NPLOC4: variants seen among roughly 807,000 people sequenced by gnomAD.
The protein encoded by NPLOC4 is NPL4 homolog, ubiquitin recognition factor, also known as nuclear protein localization protein 4 homolog.
NPLOC4 carries 18 observed loss-of-function variants against 80.6 expected under a neutral mutation model. That is an observed-to-expected ratio of 0.22 (90% CI 0.15 to 0.33). The LOEUF is 0.33. Ranked by LOEUF, NPLOC4 falls within the 10% of genes least tolerant of loss-of-function variation. The pLI is 1.00. For synonymous variants in NPLOC4, 313 were observed against 301.5 expected (o/e 1.04, Z -0.39); for missense variants, 540 against 786.1 (o/e 0.69, Z 3.74).
At position 81,580,539 on chromosome 17, in the gene NPLOC4, G is replaced by C. The variant is rs184779854; in HGVS notation, c.1281+8405C>G. ...CACCTCTACCCCAGCAGGCCACCCT[G>C]CTTATCACTCTCTGTGTGGGGAACA... On this transcript the variant is annotated intron_variant, in intron 12 of 16. Transcript: ENST00000331134. The surrounding 1 kb of genome is among the most constrained non-coding windows in gnomAD (Gnocchi z 4.4). Among the ~76,000 whole-genome samples the C allele has an allele frequency of 6.6e-6, 1 of 152,204 alleles. No homozygotes were observed. The highest frequency in any genetic ancestry group is 6.5e-5 in the Admixed American group (1 of 15,294).
rs924601410 is a variant in NPLOC4 at position 81,557,720 on chromosome 17, C to A, written c.*1539G>T. The stretch of plus-strand genomic sequence containing the variant: ...AGCTGGGAGTTGCATCCGCAGCAGT[C>A]CGCTTCAACCCAGCTCCTCTCCACC... On this transcript the variant is annotated 3_prime_UTR_variant, in exon 17 of 17. Coordinates refer to ENST00000331134, the MANE Select transcript of NPLOC4 (RefSeq NM_017921.4). 1.3e-5 allele frequency: 2 copies of A among 152,316 alleles called. No individual in the cohort carries two copies. The highest frequency in any genetic ancestry group is 4.8e-5 in the African/African-American group (2 of 41,464). 9.4% of individuals were successfully genotyped at this position (152,316 alleles called of 1,614,324 possible).
intron 5 of NPLOC4, 73 bp downstream of exon 5, chr17:81,610,137 G>T: frequency 1.4e-6 from 2 of 1,383,214 alleles, no homozygotes; most frequent in Non-Finnish European, 2.0e-6. Context: ...TGGACTCAGG[G>T]CAAGCACTTA....
At chr17:81,635,973 A>G (rs79807898) in intron 1 of NPLOC4, among the ~76,000 whole-genome samples, 1 of 149,272 alleles carries the variant, frequency 6.7e-6, no homozygotes, top group Non-Finnish European at 1.5e-5. Flanking sequence ...AGTGTGTGAC[A>G]ATTTTTTTTT....
At position 81,558,982 on chromosome 17, in the gene NPLOC4, C is replaced by T. The variant is rs1042691229; in HGVS notation, c.*277G>A. On this transcript the variant is annotated 3_prime_UTR_variant, in exon 17 of 17. Coordinates refer to ENST00000331134, the MANE Select transcript of NPLOC4 (RefSeq NM_017921.4). ...GTAGAGGCGAGAGGTCTTTCCAACA[C>T]GGCGGGGGACTTGTCAACAGGATTA... is the stretch of plus-strand genomic sequence containing the variant. 7 of 371,248 alleles carry T rather than the reference C, an allele frequency of 1.9e-5. No individual in the cohort carries two copies. The highest frequency in any genetic ancestry group is 8.4e-5 in the African/African-American group (4 of 47,868). The allele number at this position is 371,248 out of a possible 1,614,324, so 23.0% of individuals were successfully genotyped here.
At chr17:81,606,842 T>G (rs377378349) in intron 6 of NPLOC4, 28 bp from the exon 7 acceptor site, 25 of 1,181,324 alleles carry the variant, frequency 2.1e-5, no homozygotes, top group Non-Finnish European at 2.9e-5. Flanking sequence ...AACTTAAACA[T>G]CACATTGGTG....
At chr17:81,636,854 GA>G in intron 1 of NPLOC4, 61 bp downstream of exon 1, 4 of 1,377,614 alleles carry the variant, frequency 2.9e-6, no homozygotes, top group Non-Finnish European at 3.8e-6. Flanking sequence ...CCCACAGGCC[GA>G]GGCCGGCAAA....
At chr17:81,618,545 T>C (rs12948353) in intron 3 of NPLOC4, among the ~76,000 whole-genome samples, 11 of 68,070 alleles carry the variant, frequency 1.6e-4, no homozygotes, top group East Asian at 2.3e-3. Context: ...GAGGGGTCAG[T>C]GCCCCCGCCC....
intron 3 of NPLOC4, among the ~76,000 whole-genome samples, chr17:81,618,572 C>T (rs540560715): frequency 0.018 from 1,295 of 72,576 alleles, 45 homozygotes; most frequent in African/African-American, 0.081. Flanking sequence ...CCGCCCCGTC[C>T]GGGAGGGAGG....
intron 16 of NPLOC4, chr17:81,564,003 C>A: frequency 2.2e-6 from 1 of 445,956 alleles, no homozygotes; most frequent in South Asian, 1.6e-5. Context: ...ATTGCTTCAA[C>A]CCAGGAGGCA....
At position 81,561,523 on chromosome 17, in the gene NPLOC4, C is replaced by A. The variant is rs543002869; in HGVS notation, c.1670-2107G>T. On this transcript the variant is annotated intron_variant, in intron 16 of 16. Transcript: ENST00000331134. Reference sequence around the variant, plus strand: ...TTCTGTGTTCTACCCCAAGGTCCTGCATCCTGCCTAAAAGAATCTTTGCGT... The same window carrying A: ...TTCTGTGTTCTACCCCAAGGTCCTGAATCCTGCCTAAAAGAATCTTTGCGT... 6.6e-5 allele frequency among the ~76,000 whole-genome samples: 10 copies of A among 152,324 alleles called. No homozygotes were observed. In the South Asian group the frequency reaches 2.1e-3, roughly 32 times the overall value.
intron 3 of NPLOC4, among the ~76,000 whole-genome samples, chr17:81,616,333 A>AAAAAAAAAAAAAAAAGAAAC (rs780878214): frequency 2.6e-5 from 3 of 115,634 alleles, no homozygotes; most frequent in Non-Finnish European, 3.4e-5. Flanking sequence ...AAAAAAAAAA[A>AAAAAAAAAAAAAAAAGAAAC]AAAAAGAAAA....
chr17:81,621,134 GA>G (rs889880387), intron 3 of NPLOC4, among the ~76,000 whole-genome samples: 11 of 143,094 alleles, frequency 7.7e-5, no homozygotes, highest in East Asian at 2.0e-4. Context: ...GGAAAGAAAA[GA>G]AAAAAAAAAG....
At chr17:81,560,595 T>G (rs2033820036) in intron 16 of NPLOC4, 1 of 152,116 alleles carries the variant, frequency 6.6e-6, no homozygotes. Flanking sequence ...TAATCCCAGC[T>G]ACTAGGAAGG....
intron 4 of NPLOC4, 24 bp from the exon 5 acceptor site, chr17:81,610,282 A>G: frequency 1.3e-6 from 2 of 1,561,548 alleles, no homozygotes; most frequent in Non-Finnish European, 1.7e-6. Flanking sequence ...AAGGCAGAAA[A>G]AGGCAGAGCA....
intron 3 of NPLOC4, among the ~76,000 whole-genome samples, chr17:81,617,597 C>T (rs556944112): frequency 2.6e-5 from 4 of 152,194 alleles, no homozygotes; most frequent in South Asian, 4.1e-4. Context: ...ATCACAAGGT[C>T]GGGAGATCGA....
intron 12 of NPLOC4, among the ~76,000 whole-genome samples, chr17:81,585,185 A>AG (rs1951547859): frequency 6.6e-6 from 1 of 150,842 alleles, no homozygotes; most frequent in African/African-American, 2.4e-5. Flanking sequence ...AAAAAAAAAA[A>AG]AAAAAAAAAA....
At chr17:81,573,556 G>C (rs1414391371) in intron 12 of NPLOC4, 2 of 152,142 alleles carry the variant, frequency 1.3e-5, no homozygotes, top group Non-Finnish European at 2.9e-5. Context: ...CCAACTCCTT[G>C]TTCTACTCTC....
chr17:81,605,589 A>G (rs549683564), intron 7 of NPLOC4, among the ~76,000 whole-genome samples: 20 of 151,570 alleles, frequency 1.3e-4, no homozygotes, highest in African/African-American at 4.8e-4. Flanking sequence ...CTGAGGTTGC[A>G]GTGAGCCAAG....
At chr17:81,583,019 C>A (rs1038334566) in intron 12 of NPLOC4, among the ~76,000 whole-genome samples, 1 of 152,282 alleles carries the variant, frequency 6.6e-6, no homozygotes, top group African/African-American at 2.4e-5. Flanking sequence ...CGCCCATGTG[C>A]GCCAGCACAG....
Sources: allele counts gnomAD v4.1 joint callset (sites outside exome capture counted in the v4.1 genomes callset), GRCh38; gene constraint gnomAD v4.1.1; non-coding constraint Gnocchi (gnomAD v3.1); transcripts MANE v1.5; gene names NCBI Gene and HGNC (gene_info 2026-07-23, HGNC 2026-07-21).